The following SHTN1 variants were observed in gnomAD, a reference collection of about 807,000 sequenced individuals.
SHTN1 encodes shootin 1.
In SHTN1, 42 loss-of-function variants were observed where a neutral mutation model predicts 83.1. The observed-to-expected ratio is 0.51, with a 90% confidence interval of 0.39 to 0.65. The LOEUF (loss-of-function observed/expected upper bound fraction) is 0.65, where lower values mean the gene tolerates loss of function less well. Among genes scored for constraint, SHTN1 ranks in the 30% least tolerant of loss-of-function variants. SHTN1 has a pLI of 0.00. For missense variants in SHTN1, 622 were observed against 737.8 expected (o/e 0.84, Z 1.82); for synonymous variants, 224 against 247.7 (o/e 0.90, Z 0.90).
At chr10:116,979,926 T>C (rs1204072868) in intron 1 of SHTN1, among the ~76,000 whole-genome samples, 1 of 152,222 alleles carries the variant, frequency 6.6e-6, no homozygotes, top group African/African-American at 2.4e-5. Context: ...TAAGAACAAC[T>C]ATTTTCAGAC....
chr10:116,947,059 G>T (rs1453513205), intron 7 of SHTN1, among the ~76,000 whole-genome samples: 2 of 152,068 alleles, frequency 1.3e-5, no homozygotes, highest in Non-Finnish European at 2.9e-5. Flanking sequence ...ATTTACAAAG[G>T]AGAGAAACAG....
intron 16 of SHTN1, among the ~76,000 whole-genome samples, chr10:116,890,193 T>TA (rs5788199): frequency 0.6 from 91,030 of 152,032 alleles, 30,352 homozygotes; most frequent in Middle Eastern, 0.75. Flanking sequence ...ATGCAACCTC[T>TA]AAGGACTAAG....
intron 13 of SHTN1, among the ~76,000 whole-genome samples, chr10:116,913,389 C>T (rs1848274412): frequency 6.6e-6 from 1 of 152,234 alleles, no homozygotes; most frequent in African/African-American, 2.4e-5. Context: ...AGCACTGTAT[C>T]TACACAGTTC....
intron 15 of SHTN1, among the ~76,000 whole-genome samples, chr10:116,905,290 A>T (rs1847926351): frequency 6.6e-6 from 1 of 152,092 alleles, no homozygotes. Context: ...TCAAGCACTG[A>T]TTAAGTCACA....
chr10:117,100,865 A>T (rs1188229363), intron 1 of SHTN1, among the ~76,000 whole-genome samples: 2 of 152,308 alleles, frequency 1.3e-5, no homozygotes, highest in East Asian at 3.9e-4. Flanking sequence ...AGGTGGGACT[A>T]AGTTTGGGAA....
chr10:116,951,917 T>C lies in SHTN1; in HGVS notation c.526A>G (p.Ile176Val), dbSNP rs1453178184. 3 of 1,576,210 alleles carry C rather than the reference T, an allele frequency of 1.9e-6. No individual in the cohort carries two copies. The highest frequency in any genetic ancestry group is 2.6e-6 in the Non-Finnish European group (3 of 1,152,224). ...AGGCCTGAGATACATACTTCTTCAA[T>C]TACTTCTACGAGTTTGCTCTTGAGA... ...ENLKSKLVEV[I>V]EEVNKVKQEK... Residue 176 changes from isoleucine (I) to valine (V), a missense_variant, in exon 6 of 17, where the codon ATT (isoleucine) becomes GTT (valine). Physicochemically the swap from Ile to Val is conservative, Grantham distance 29. Transcript: ENST00000355371.
chr10:116,985,638 G>C (rs763780047), intron 1 of SHTN1, among the ~76,000 whole-genome samples: 2 of 152,076 alleles, frequency 1.3e-5, no homozygotes, highest in Non-Finnish European at 2.9e-5. Context: ...ATCATATATT[G>C]TATCAAGATA....
chr10:117,044,368 G>A (rs1477191340), intron 2 of SHTN1, among the ~76,000 whole-genome samples: 2 of 151,890 alleles, frequency 1.3e-5, no homozygotes, highest in Non-Finnish European at 2.9e-5. Flanking sequence ...TCAACTATAT[G>A]TATGTACATT....
chr10:116,902,157 G>A (rs17095425), intron 15 of SHTN1, among the ~76,000 whole-genome samples, 200 bp from the exon 16 acceptor site: 5,070 of 152,192 alleles, frequency 0.033, 228 homozygotes, highest in East Asian at 0.1. Flanking sequence ...CCAGGACCAC[G>A]CTGAGAAATT....
chr10:116,927,961 A>T (rs946300405), intron 10 of SHTN1, 70 bp from the exon 11 acceptor site: 3 of 1,543,252 alleles, frequency 1.9e-6, no homozygotes, highest in Non-Finnish European at 2.6e-6. Flanking sequence ...CATGTGAAAA[A>T]AAGAACATAA....
At chr10:116,966,905 T>G in intron 3 of SHTN1, among the ~76,000 whole-genome samples, 1 of 152,204 alleles carries the variant, frequency 6.6e-6, no homozygotes, top group South Asian at 2.1e-4. Flanking sequence ...TTCATACATT[T>G]GCAAATAAGA....
rs546596610 is a variant in SHTN1, at chr10:117,018,485, A to C, written c.-123+29960T>G. On this transcript the variant is annotated intron_variant, in intron 2 of 17. Transcript: ENST00000392901. ...AGAAGGGAATCTACTCAATCTGATAAAGGGTGTATGTGTATTTTTTTTAAA... is the reference window on the plus strand; with the variant it reads ...AGAAGGGAATCTACTCAATCTGATACAGGGTGTATGTGTATTTTTTTTAAA... 7.6e-4 allele frequency among the ~76,000 whole-genome samples: 115 copies of C among 151,692 alleles called. 2 individuals carry two copies. The South Asian group carries it at 0.021, about 27-fold the overall frequency.
intron 1 of SHTN1, among the ~76,000 whole-genome samples, chr10:116,983,632 CCAGATAGATAGATAGA>C (rs1388889080): frequency 7.3e-6 from 1 of 136,576 alleles, no homozygotes; most frequent in Non-Finnish European, 1.6e-5. Context: ...GCCTGGGCAT[CCAGATAGATAGATAGA>C]TAGATAGATA....
chr10:116,935,795 T>TGGGCTTTTTTTTGGTTAGC lies in SHTN1; in HGVS notation c.858+4652_858+4670dup, dbSNP rs1291274677. On this transcript the variant is annotated intron_variant, in intron 9 of 16. Coordinates refer to ENST00000355371, the MANE Select transcript of SHTN1 (RefSeq NM_001127211.3). ...AATCAGCTGTGAATCCATCTGATCC[T>TGGGCTTTTTTTTGGTTAGC]GGGCTTTTTTTTGGTTAGCAGGCTA... is the stretch of plus-strand genomic sequence containing the variant. 8.2e-4 allele frequency among the ~76,000 whole-genome samples: 125 copies of TGGGCTTTTTTTTGGTTAGC among 152,294 alleles called. 1 individual carries two copies. The highest frequency in any genetic ancestry group is 2.9e-3 in the African/African-American group (121 of 41,566).
intron 1 of SHTN1, among the ~76,000 whole-genome samples, chr10:117,098,284 C>T (rs946900770): frequency 6.8e-6 from 1 of 147,822 alleles, no homozygotes; most frequent in Non-Finnish European, 1.5e-5. Context: ...GTTGTCCCAG[C>T]TACTTGGGAG....
chr10:117,013,374 A>G (rs542351750), intron 2 of SHTN1, among the ~76,000 whole-genome samples: 35 of 152,232 alleles, frequency 2.3e-4, no homozygotes, highest in Non-Finnish European at 3.4e-4. Context: ...GGGTTTCACT[A>G]TGTTGGCCAG....
intron 1 of SHTN1, among the ~76,000 whole-genome samples, chr10:117,112,523 T>C (rs1853782737): frequency 6.6e-6 from 1 of 152,248 alleles, no homozygotes; most frequent in South Asian, 2.1e-4. Flanking sequence ...CAATAACCAT[T>C]GTTTCATTAA....
At chr10:116,949,494 G>C (rs1849701671) in intron 6 of SHTN1, among the ~76,000 whole-genome samples, 1 of 152,042 alleles carries the variant, frequency 6.6e-6, no homozygotes, top group Non-Finnish European at 1.5e-5. Flanking sequence ...GAATCATTTA[G>C]TCAAGATCCG....
At chr10:117,113,069 C>T (rs933322074) in intron 1 of SHTN1, among the ~76,000 whole-genome samples, 23 of 152,132 alleles carry the variant, frequency 1.5e-4, no homozygotes, top group African/African-American at 4.8e-4. Context: ...AGATTTATCA[C>T]GATTAGGTCT....
Sources: gnomAD v4.1 joint callset for allele counts (sites outside exome capture counted in the v4.1 genomes callset) on GRCh38, gnomAD v4.1.1 for gene constraint, MANE v1.5 for transcripts, NCBI Gene and HGNC (gene_info 2026-07-23, HGNC 2026-07-21) for gene names.